Variants in FOXP4 observed in about 807,000 individuals in gnomAD.
FOXP4 encodes forkhead box protein P4.
In FOXP4, 25 loss-of-function variants were observed where a neutral mutation model predicts 82.6. The ratio of observed to expected loss-of-function variants is 0.30; its 90% confidence interval spans 0.22 to 0.42. The LOEUF (loss-of-function observed/expected upper bound fraction) is 0.42, where lower values mean the gene tolerates loss of function less well. Among genes scored for constraint, FOXP4 ranks in the 10% least tolerant of loss-of-function variants. The probability of loss-of-function intolerance (pLI) is 1.00; values close to 1 mark genes in which losing one functional copy is unlikely to be tolerated. For synonymous variants in FOXP4, 415 were observed against 388.2 expected (o/e 1.07, Z -0.81); for missense variants, 785 against 900.9 (o/e 0.87, Z 1.65).
intron 7 of FOXP4, 50 bp from the exon 8 acceptor site, chr6:41,587,743 G>T (rs367930677): frequency 3.9e-5 from 50 of 1,282,734 alleles, no homozygotes; most frequent in Non-Finnish European, 5.3e-5. Context: ...CTACAGGGCC[G>T]CTGGGGTCTT....
chr6:41,555,459 G>A lies in FOXP4; in HGVS notation c.-17+8592G>A, dbSNP rs181295367. 1.2e-4 allele frequency among the ~76,000 whole-genome samples: 18 copies of A among 152,262 alleles called. No individual in the cohort carries two copies. In the South Asian group the frequency reaches 1.7e-3, roughly 14 times the overall value. On this transcript the variant is annotated intron_variant, in intron 1 of 16. Coordinates refer to ENST00000307972, the MANE Select transcript of FOXP4 (RefSeq NM_001012426.2). ...ATGAAGGGAGGGGCCAAGGCATGTC[G>A]GGGCAGGCTGGGCAGAACAGCCAGG... is the stretch of plus-strand genomic sequence containing the variant.
rs1006042534 is a variant in FOXP4 at position 41,546,562 on chromosome 6, G to A, written c.-322G>A. On this transcript the variant is annotated 5_prime_UTR_variant, in exon 1 of 17. Transcript: ENST00000307972. Reference sequence around the variant, plus strand: ...GGCCGGAACCAGGGCTGGGCCGGGGGCGGGGACGCCGGGGTCCGGGAGCCC... The same window carrying A: ...GGCCGGAACCAGGGCTGGGCCGGGGACGGGGACGCCGGGGTCCGGGAGCCC... 2.0e-4 allele frequency: 29 copies of A among 148,462 alleles called. No homozygotes were observed. The highest frequency in any genetic ancestry group is 3.6e-4 in the Non-Finnish European group (24 of 66,312). The allele number at this position is 148,462 out of a possible 1,614,324, so 9.2% of individuals were successfully genotyped here. A position where few individuals can be genotyped will look rare whatever the true frequency, so the allele number is the denominator to read the frequency against.
At position 41,592,897 on chromosome 6, in the gene FOXP4, C is replaced by T. The variant is rs568613921; in HGVS notation, c.1536+1575C>T. Among the ~76,000 whole-genome samples the T allele has an allele frequency of 3.3e-5, 5 of 152,272 alleles. No homozygotes were observed. In the South Asian group the frequency reaches 1.0e-3, roughly 32 times the overall value. ...GCCTTTCACATCTCTGTGGTGTGTT[C>T]CTCCTAGTTCTTCACCCCCATCTCC... On this transcript the variant is annotated intron_variant, in intron 13 of 16. Coordinates refer to ENST00000307972, the MANE Select transcript of FOXP4 (RefSeq NM_001012426.2).
chr6:41,579,437 C>A (rs114937790), intron 3 of FOXP4, among the ~76,000 whole-genome samples: 1 of 152,142 alleles, frequency 6.6e-6, no homozygotes, highest in African/African-American at 2.4e-5. Context: ...GAATCCTGCC[C>A]GCCCTGGACC....
rs566416788 is a variant in FOXP4 at position 41,580,360 on chromosome 6, G to C, written c.300+2279G>C. ...CAAAGTGCTGGGATTACAGGCGTGA[G>C]CCATCGTGCCCGGCCAGTAGAACTC... On this transcript the variant is annotated intron_variant, in intron 3 of 16. Coordinates refer to ENST00000307972, the MANE Select transcript of FOXP4 (RefSeq NM_001012426.2). Among the ~76,000 whole-genome samples, 9 of 152,318 alleles carry C rather than the reference G, an allele frequency of 5.9e-5. No individual in the cohort carries two copies. The South Asian group carries it at 1.9e-3, about 32-fold the overall frequency.
Position 41,591,147 on chromosome 6 carries a change from TGG to T in FOXP4, c.1435-70_1435-69del. 1 of 1,227,458 alleles carries T rather than the reference TGG, an allele frequency of 8.1e-7. No homozygotes were observed. Among genetic ancestry groups the T allele is most frequent in the Non-Finnish European group, 1.2e-6 (1 of 851,014 alleles). 76.0% of individuals were successfully genotyped at this position (1,227,458 alleles called of 1,614,324 possible). On this transcript the variant is annotated intron_variant, in intron 12 of 16. Transcript: ENST00000307972. The surrounding 1 kb of genome is among the most constrained non-coding windows in gnomAD (Gnocchi z 4.2). ...GGGGCTAGGCAGAAGGGAGAGGTAC[TGG>T]GGGAGGGAACCCAGGGCTGTGACCC...
Position 41,601,805 on chromosome 6 carries a change from C to T in FOXP4, c.*2869C>T, listed in dbSNP as rs1425293664. 1.3e-5 allele frequency: 2 copies of T among 152,304 alleles called. No homozygotes were observed. Among genetic ancestry groups the T allele is most frequent in the Non-Finnish European group, 2.9e-5 (2 of 68,104 alleles). The allele number at this position is 152,304 out of a possible 1,614,324, so 9.4% of individuals were successfully genotyped here. On this transcript the variant is annotated 3_prime_UTR_variant, in exon 17 of 17. Transcript: ENST00000307972. ...CTGGTCTTACGCCACCTTCTGGACA[C>T]TCCCTCCTTGAGGGCAGAAAGGAGT...
chr6:41,583,202 A>G (rs1581760831), intron 3 of FOXP4, among the ~76,000 whole-genome samples: 1 of 152,220 alleles, frequency 6.6e-6, no homozygotes, highest in South Asian at 2.1e-4. Flanking sequence ...AGGGGCAGGG[A>G]CAGCCGCCAG....
rs564173616 is a variant in FOXP4 at position 41,597,118 on chromosome 6, A to T, written c.1659-58A>T. The stretch of plus-strand genomic sequence containing the variant: ...GCCGTTACTTAGTGAGAGTAAAGAG[A>T]TGCGAATGAAGAGCTAAGTGAATGA... On this transcript the variant is annotated intron_variant, in intron 14 of 16. Coordinates refer to ENST00000307972, the MANE Select transcript of FOXP4 (RefSeq NM_001012426.2). 5.1e-5 allele frequency: 80 copies of T among 1,557,026 alleles called. 1 individual carries two copies. The South Asian group carries it at 8.9e-4, about 17-fold the overall frequency.
chr6:41,559,887 C>A (rs1189181147), intron 1 of FOXP4, among the ~76,000 whole-genome samples: 1 of 152,090 alleles, frequency 6.6e-6, no homozygotes, highest in East Asian at 1.9e-4. Flanking sequence ...CTGTTGGGGC[C>A]CAGTAATCTG....
intron 16 of FOXP4, among the ~76,000 whole-genome samples, chr6:41,598,494 ATG>A (rs1380448344): frequency 6.6e-6 from 1 of 152,038 alleles, no homozygotes; most frequent in Non-Finnish European, 1.5e-5. Context: ...CTGGGATTAC[ATG>A]TGTGAGCCAC....
At chr6:41,552,528 C>T (rs1342748056) in intron 1 of FOXP4, among the ~76,000 whole-genome samples, 3 of 152,206 alleles carry the variant, frequency 2.0e-5, no homozygotes, top group Non-Finnish European at 4.4e-5. Context: ...ACCTGTTTCC[C>T]CTCCCCAGCT....
At position 41,561,161 on chromosome 6, in the gene FOXP4, C is replaced by T. The variant is rs549290627; in HGVS notation, c.-16-4584C>T. ...CGGCTTTGACCCAGCTTCCTTCCGA[C>T]GGCATCTGCAGGAGCCTCTAGGCCT... On this transcript the variant is annotated intron_variant, in intron 1 of 16. Transcript: ENST00000307972. 2.5e-4 allele frequency among the ~76,000 whole-genome samples: 38 copies of T among 152,352 alleles called. No homozygotes were observed. The South Asian group carries it at 5.4e-3, about 22-fold the overall frequency.
intron 1 of FOXP4, among the ~76,000 whole-genome samples, chr6:41,553,121 G>A (rs961862571): frequency 2.6e-5 from 4 of 152,126 alleles, no homozygotes; most frequent in South Asian, 2.1e-4. Flanking sequence ...TTCTTGAAAG[G>A]GGTGCTGTGG....
chr6:41,565,067 C>T (rs545346964), intron 1 of FOXP4, among the ~76,000 whole-genome samples: 3 of 152,102 alleles, frequency 2.0e-5, no homozygotes, highest in South Asian at 2.1e-4. Context: ...AAGACCCAGA[C>T]GGGGGCTAGG....
In FOXP4 at chr6:41,585,432, T is replaced by C; in HGVS notation, c.425T>C (p.Leu142Pro). ...QQQQALMLQQ[L>P]QEYYKKQQEQ... ...GGTAACCCTCCTCCACCCCCCCAGC[T>C]ACAGGAGTACTACAAGAAGCAGCAG... is the stretch of plus-strand genomic sequence containing the variant. Residue 142 changes from leucine (L) to proline (P), a missense_variant and splice_region_variant, in exon 5 of 17, where the codon CTA becomes CCA. Coordinates refer to ENST00000307972, the MANE Select transcript of FOXP4 (RefSeq NM_001012426.2). The C allele has an allele frequency of 1.2e-6, 2 of 1,613,694 alleles. No homozygotes were observed. Among genetic ancestry groups the C allele is most frequent in the Non-Finnish European group, 1.7e-6 (2 of 1,179,818 alleles).
At chr6:41,584,453 C>T (rs950880678) in intron 3 of FOXP4, among the ~76,000 whole-genome samples, 7 of 152,222 alleles carry the variant, frequency 4.6e-5, no homozygotes, top group Non-Finnish European at 8.8e-5. Flanking sequence ...AAGGACAGCC[C>T]GTCCTATGAT....
At chr6:41,559,925 T>C (rs1764472285) in intron 1 of FOXP4, among the ~76,000 whole-genome samples, 1 of 152,200 alleles carries the variant, frequency 6.6e-6, no homozygotes, top group Admixed American at 6.5e-5. Context: ...CAAGGTAACT[T>C]TGATGCACTC....
chr6:41,559,953 A>C (rs115616698), intron 1 of FOXP4, among the ~76,000 whole-genome samples: 2,956 of 152,280 alleles, frequency 0.019, 98 homozygotes, highest in African/African-American at 0.068. Context: ...CAACCCCCTG[A>C]TTTAACGTTG....
Sources: gnomAD v4.1 joint callset for allele counts (sites outside exome capture counted in the v4.1 genomes callset) on GRCh38, gnomAD v4.1.1 for gene constraint, Gnocchi (gnomAD v3.1) non-coding constraint, MANE v1.5 for transcripts, NCBI Gene and HGNC (gene_info 2026-07-23, HGNC 2026-07-21) for gene names.